JRK: variants seen among roughly 807,000 people sequenced by gnomAD.
The protein encoded by JRK is Jrk helix-turn-helix protein.
For synonymous variants in JRK, 303 were observed against 218.1 expected (o/e 1.39, Z -3.43); for missense variants, 720 against 509.2 (o/e 1.41, Z -3.98).
At position 142,665,859 on chromosome 8, in the gene JRK, G is replaced by A; in HGVS notation, c.200C>T (p.Ala67Val). The change falls in exon 2 of 2, where the codon GCC (alanine) becomes GTC (valine). Residue 67 changes from alanine to valine, a missense_variant. By Grantham distance (64) the Ala-to-Val change is moderately conservative (BLOSUM62 0). Coordinates refer to ENST00000612905, the MANE Select transcript of JRK (RefSeq NM_003724.4). ...AHKAQLLRFFASSDSNKALEQ... is the reference protein window; with the variant it reads ...AHKAQLLRFFVSSDSNKALEQ... ...CAGCGCCTTGTTGGAGTCGGAGCTG[G>A]CGAAGAACCGGAGCAGCTGCGCCTT... The A allele has an allele frequency of 1.3e-6, 1 of 780,688 alleles. No individual in the cohort carries two copies. The highest frequency in any genetic ancestry group is 2.4e-6 in the Non-Finnish European group (1 of 418,994). 48.4% of individuals were successfully genotyped at this position (780,688 alleles called of 1,614,324 possible).
chr8:142,656,237 T>C (rs1456749699), downstream of JRK, among the ~76,000 whole-genome samples: 2 of 152,228 alleles, frequency 1.3e-5, no homozygotes, highest in African/African-American at 4.8e-5. Context: ...AATCTCAGAC[T>C]ATTTTCCTAC....
downstream of JRK, among the ~76,000 whole-genome samples, chr8:142,653,539 AT>A (rs113231592): frequency 6.1e-5 from 9 of 147,146 alleles, no homozygotes; most frequent in East Asian, 2.0e-4. Context: ...ACTCCTGGCT[AT>A]TTTTTTTTTA....
chr8:142,655,766 T>A (rs9694286), downstream of JRK, among the ~76,000 whole-genome samples: 18 of 152,132 alleles, frequency 1.2e-4, no homozygotes, highest in Middle Eastern at 3.4e-3. Context: ...GCCTCCTGTC[T>A]TCTTGGGTCC....
At chr8:142,653,452 T>C (rs10100287), downstream of JRK, among the ~76,000 whole-genome samples, 85,957 of 151,912 alleles carry the variant, frequency 0.57, 25,335 homozygotes, top group Admixed American at 0.67. Context: ...TGGCACAGTG[T>C]GGCCTTGACC....
At chr8:142,648,878 C>A in the JRK span, among the ~76,000 whole-genome samples, 2 of 152,234 alleles carry the variant, frequency 1.3e-5, no homozygotes, top group Non-Finnish European at 2.9e-5. Context: ...GGGAGGGAGG[C>A]TGTACCCTGC....
chr8:142,658,647 C>T lies in JRK; in HGVS notation c.*5705G>A, dbSNP rs1563789474. 2.7e-6 allele frequency: 2 copies of T among 744,156 alleles called. No homozygotes were observed. The highest frequency in any genetic ancestry group is 2.0e-6 in the Non-Finnish European group (1 of 503,432). 46.1% of individuals were successfully genotyped at this position (744,156 alleles called of 1,614,324 possible). On this transcript the variant is annotated 3_prime_UTR_variant, in exon 2 of 2. Transcript: ENST00000612905. ...CACGATCTCACCTAAGCCTAGTCAC[C>T]TCCCAAAGGCCCCACCTCCTAATAC...
chr8:142,654,744 C>T (rs1250416443), downstream of JRK, among the ~76,000 whole-genome samples: 1 of 151,926 alleles, frequency 6.6e-6, no homozygotes, highest in Non-Finnish European at 1.5e-5. Flanking sequence ...CCCAAGCCCC[C>T]AGCCACTCCC....
rs1294218915 is a variant in JRK, at chr8:142,657,750, C to T, written c.*6602G>A. On this transcript the variant is annotated 3_prime_UTR_variant, in exon 2 of 2. Transcript: ENST00000612905. The stretch of plus-strand genomic sequence containing the variant: ...ATCCATCCCGATAACAGGAACATTT[C>T]CCACCAGGCCCCACCTTCAACACTG... 1 of 152,250 alleles carries T rather than the reference C, an allele frequency of 6.6e-6. No individual in the cohort carries two copies. The highest frequency in any genetic ancestry group is 6.5e-5 in the Admixed American group (1 of 15,288). The allele number at this position is 152,250 out of a possible 1,614,324, so 9.4% of individuals were successfully genotyped here. A position where few individuals can be genotyped will look rare whatever the true frequency, so the allele number is the denominator to read the frequency against.
At chr8:142,654,370 C>T (rs587621999), downstream of JRK, among the ~76,000 whole-genome samples, 8 of 152,240 alleles carry the variant, frequency 5.3e-5, no homozygotes, top group African/African-American at 1.7e-4. Flanking sequence ...CTGGCTCCCT[C>T]CCTGCTGATG....
rs1462547012 is a variant in JRK, at chr8:142,663,468, A to T, written c.*884T>A. On this transcript the variant is annotated 3_prime_UTR_variant, in exon 2 of 2. Coordinates refer to ENST00000612905, the MANE Select transcript of JRK (RefSeq NM_003724.4). The stretch of plus-strand genomic sequence containing the variant: ...TTTCAGTGACTTACGTGCAAACCTA[A>T]GACTAATCTCTGAATGTCTGATCAA... 3 of 985,362 alleles carry T rather than the reference A, an allele frequency of 3.0e-6. No homozygotes were observed. Among genetic ancestry groups the T allele is most frequent in the Non-Finnish European group, 3.6e-6 (3 of 829,950 alleles). 61.0% of individuals were successfully genotyped at this position (985,362 alleles called of 1,614,324 possible).
At chr8:142,654,179 C>T (rs1469568406), downstream of JRK, among the ~76,000 whole-genome samples, 2 of 152,084 alleles carry the variant, frequency 1.3e-5, no homozygotes, top group African/African-American at 4.8e-5. Context: ...GTTCTGTGGC[C>T]CAGCCCAGAG....
chr8:142,644,164 G>C, the JRK span, among the ~76,000 whole-genome samples: 2 of 152,034 alleles, frequency 1.3e-5, no homozygotes, highest in African/African-American at 4.8e-5. Context: ...TTAAAAACTT[G>C]TATGCAAGAA....
At position 142,661,355 on chromosome 8, in the gene JRK, C is replaced by T. The variant is rs961063031; in HGVS notation, c.*2997G>A. On this transcript the variant is annotated 3_prime_UTR_variant, in exon 2 of 2. Coordinates refer to ENST00000612905, the MANE Select transcript of JRK (RefSeq NM_003724.4). The stretch of plus-strand genomic sequence containing the variant: ...AAAGTATGGCCTCTCCTGGGCATCC[C>T]GAGGGATGGGAGCTCCCAGAGTGGA... The T allele has an allele frequency of 1.0e-6, 1 of 985,484 alleles. No homozygotes were observed. Among genetic ancestry groups the T allele is most frequent in the Non-Finnish European group, 1.2e-6 (1 of 829,968 alleles). 61.0% of individuals were successfully genotyped at this position (985,484 alleles called of 1,614,324 possible).
chr8:142,652,777 G>A (rs1264393259), downstream of JRK, among the ~76,000 whole-genome samples: 4 of 151,848 alleles, frequency 2.6e-5, no homozygotes, highest in African/African-American at 9.7e-5. Context: ...CAAGAAAAAA[G>A]AGAAAGAGAG....
Position 142,663,481 on chromosome 8 carries a change from A to C in JRK, c.*871T>G. On this transcript the variant is annotated 3_prime_UTR_variant, in exon 2 of 2. Transcript: ENST00000612905. ...CGTGCAAACCTAAGACTAATCTCTG[A>C]ATGTCTGATCAAGACGTATTCATGT... 1.0e-6 allele frequency: 1 copy of C among 985,468 alleles called. No individual in the cohort carries two copies. Among genetic ancestry groups the C allele is most frequent in the Non-Finnish European group, 1.2e-6 (1 of 829,918 alleles). The allele number at this position is 985,468 out of a possible 1,614,324, so 61.0% of individuals were successfully genotyped here.
In JRK at chr8:142,665,885, G is replaced by A. The variant is rs782045538; in HGVS notation, c.174C>T (p.His58=). The change falls in exon 2 of 2, where the codon CAC becomes CAT. Residue 58 remains histidine, a synonymous_variant. Transcript: ENST00000612905. ...CGAAGAACCGGAGCAGCTGCGCCTT[G>A]TGGGCCCTGATGTCGTAGAGGGTGG... The part of the protein sequence containing the change: ...GMSTLYDIRA[H]KAQLLRFFAS... The A allele has an allele frequency of 5.1e-5, 40 of 784,992 alleles. No homozygotes were observed. In the East Asian group the frequency reaches 9.7e-4, roughly 19 times the overall value. The allele number at this position is 784,992 out of a possible 1,614,324, so 48.6% of individuals were successfully genotyped here.
chr8:142,662,204 G>C lies in JRK; in HGVS notation c.*2148C>G, dbSNP rs1274792516. The C allele has an allele frequency of 1.0e-6, 1 of 985,552 alleles. No individual in the cohort carries two copies. Among genetic ancestry groups the C allele is most frequent in the Non-Finnish European group, 1.2e-6 (1 of 830,022 alleles). The allele number at this position is 985,552 out of a possible 1,614,324, so 61.1% of individuals were successfully genotyped here. On this transcript the variant is annotated 3_prime_UTR_variant, in exon 2 of 2. Transcript: ENST00000612905. Reference sequence around the variant, plus strand: ...CACAGTCAGCACAAGAGCAGATCAAGAACGGGAAGAGCTCAGGTCCTGAAG... The same window carrying C: ...CACAGTCAGCACAAGAGCAGATCAACAACGGGAAGAGCTCAGGTCCTGAAG...
chr8:142,661,247 G>C lies in JRK; in HGVS notation c.*3105C>G, dbSNP rs1339836577. ...GGCCAGGCTGGCACAGGCAGGACAG[G>C]TGTTCTGTAAACCAACCCCAACGTA... On this transcript the variant is annotated 3_prime_UTR_variant, in exon 2 of 2. Transcript: ENST00000612905. The C allele has an allele frequency of 1.0e-6, 1 of 985,408 alleles. No homozygotes were observed. Among genetic ancestry groups the C allele is most frequent in the Non-Finnish European group, 1.2e-6 (1 of 830,032 alleles). The allele number at this position is 985,408 out of a possible 1,614,324, so 61.0% of individuals were successfully genotyped here.
intron 1 of JRK, among the ~76,000 whole-genome samples, chr8:142,669,667 TCGGGGGCCGCGCGCTCAGGCCG>T (rs1230842983): frequency 6.6e-6 from 1 of 151,582 alleles, no homozygotes; most frequent in Non-Finnish European, 1.5e-5. Context: ...TGGGTGCGGC[TCGGGGGCCGCGCGCTCAGGCCG>T]CGGGGGTCGC....
Sources: gnomAD v4.1 joint callset for allele counts (sites outside exome capture counted in the v4.1 genomes callset) on GRCh38, gnomAD v4.1.1 for gene constraint, MANE v1.5 for transcripts, NCBI Gene and HGNC (gene_info 2026-07-23, HGNC 2026-07-21) for gene names.